Variants in TMEM135 observed in about 807,000 individuals in gnomAD.
The protein encoded by TMEM135 is peroxisomal membrane protein 52.
In TMEM135, 30 loss-of-function variants were observed where a neutral mutation model predicts 60.3. That is an observed-to-expected ratio of 0.50 (90% CI 0.37 to 0.68). The LOEUF is 0.68. TMEM135 is among the 30% of genes least tolerant of loss of function. The pLI is 0.00. For synonymous variants in TMEM135, 190 were observed against 186.7 expected (o/e 1.02, Z -0.14); for missense variants, 468 against 548.8 (o/e 0.85, Z 1.47).
rs117800672 is a variant in TMEM135 at position 87,058,578 on chromosome 11, G to A, written c.142-9116G>A. ...ACTTCTGGTCTCAAGTGATCCACCC[G>A]CCTTGGCCTATGATAAATTGTTTTT... On this transcript the variant is annotated intron_variant, in intron 1 of 14. Transcript: ENST00000305494. Among the ~76,000 whole-genome samples the A allele has an allele frequency of 3.2e-3, 481 of 152,004 alleles. 5 individuals carry two copies. Among genetic ancestry groups the A allele is most frequent in the Non-Finnish European group, 5.9e-3 (401 of 67,994 alleles).
intron 5 of TMEM135, among the ~76,000 whole-genome samples, chr11:87,181,537 A>C (rs1394859501): frequency 3.3e-5 from 5 of 152,140 alleles, no homozygotes; most frequent in Non-Finnish European, 7.4e-5. Flanking sequence ...CAAAAGCAAA[A>C]ACTGTAGACA....
intron 6 of TMEM135, among the ~76,000 whole-genome samples, chr11:87,237,650 C>T (rs1297178044): frequency 1.3e-5 from 2 of 151,776 alleles, no homozygotes; most frequent in Admixed American, 6.6e-5. Flanking sequence ...GAATAATAAC[C>T]AGATGCTATT....
intron 5 of TMEM135, among the ~76,000 whole-genome samples, chr11:87,195,314 T>TTTCCTTCCTTCCTTCC (rs58025103): frequency 3.3e-4 from 22 of 65,716 alleles, no homozygotes; most frequent in South Asian, 1.1e-3. Flanking sequence ...TTTCTTTCTC[T>TTTCCTTCCTTCCTTCC]TTCCTTCCTT....
intron 4 of TMEM135, among the ~76,000 whole-genome samples, chr11:87,124,245 T>A (rs942330696): frequency 1.3e-5 from 2 of 152,164 alleles, no homozygotes; most frequent in African/African-American, 4.8e-5. Context: ...TGAAAGAAGT[T>A]CTAAAGAGTC....
chr11:87,105,689 A>G (rs868219790), intron 4 of TMEM135, among the ~76,000 whole-genome samples: 3 of 152,324 alleles, frequency 2.0e-5, no homozygotes, highest in Middle Eastern at 6.8e-3. Flanking sequence ...TGCATAGACT[A>G]TGTAATGTAG....
At chr11:87,239,820 G>T (rs1157158160) in intron 6 of TMEM135, among the ~76,000 whole-genome samples, 2 of 151,880 alleles carry the variant, frequency 1.3e-5, no homozygotes, top group East Asian at 3.9e-4. Context: ...GTCACAAGAT[G>T]TGATGACTAT....
At chr11:87,225,897 T>G (rs1288851179) in intron 5 of TMEM135, among the ~76,000 whole-genome samples, 1 of 152,120 alleles carries the variant, frequency 6.6e-6, no homozygotes, top group African/African-American at 2.4e-5. Flanking sequence ...CCTGGCACCA[T>G]TAATAATTTA....
intron 9 of TMEM135, among the ~76,000 whole-genome samples, chr11:87,307,430 C>T (rs1264319497): frequency 2.0e-5 from 3 of 150,764 alleles, no homozygotes; most frequent in Non-Finnish European, 4.4e-5. Flanking sequence ...AGCTGATAAC[C>T]TGGATTTATT....
At chr11:87,208,897 TA>T (rs948520259) in intron 5 of TMEM135, among the ~76,000 whole-genome samples, 3 of 152,112 alleles carry the variant, frequency 2.0e-5, no homozygotes, top group African/African-American at 7.2e-5. Flanking sequence ...CTAAATGAGA[TA>T]GGGGGCTTAT....
chr11:87,222,235 G>T lies in TMEM135; in HGVS notation c.463-14403G>T, dbSNP rs190497407. On this transcript the variant is annotated intron_variant, in intron 5 of 14. Coordinates refer to ENST00000305494, the MANE Select transcript of TMEM135 (RefSeq NM_022918.4). ...TGCTGGTCCGGGCATGGTGGCTCACGCCTGTAATCCCAGCACTTTGGGTGG... is the reference window on the plus strand; with the variant it reads ...TGCTGGTCCGGGCATGGTGGCTCACTCCTGTAATCCCAGCACTTTGGGTGG... Among the ~76,000 whole-genome samples, 26 of 146,282 alleles carry T rather than the reference G, an allele frequency of 1.8e-4. No homozygotes were observed. The East Asian group carries it at 4.7e-3, about 26-fold the overall frequency.
chr11:87,305,131 T>G (rs1466718128), intron 8 of TMEM135, among the ~76,000 whole-genome samples: 1 of 152,218 alleles, frequency 6.6e-6, no homozygotes, highest in Non-Finnish European at 1.5e-5. Context: ...CTTTTCCAGA[T>G]GTTTTCTCTC....
At chr11:87,102,174 A>G (rs544634664) in intron 4 of TMEM135, among the ~76,000 whole-genome samples, 5 of 152,286 alleles carry the variant, frequency 3.3e-5, no homozygotes, top group South Asian at 2.1e-4. Context: ...GCTCAGTTTC[A>G]TAAGACTGCC....
intron 5 of TMEM135, among the ~76,000 whole-genome samples, chr11:87,181,937 C>G (rs1225030215): frequency 6.7e-6 from 1 of 148,204 alleles, no homozygotes; most frequent in East Asian, 2.0e-4. Context: ...ATTCAATTTC[C>G]TTTTGAATGA....
At chr11:87,284,223 T>C (rs1323223086) in intron 6 of TMEM135, among the ~76,000 whole-genome samples, 2 of 152,340 alleles carry the variant, frequency 1.3e-5, no homozygotes, top group East Asian at 3.9e-4. Flanking sequence ...GAAACCACAA[T>C]CTGCTCCTTT....
chr11:87,159,687 G>A (rs1197020830), intron 5 of TMEM135, among the ~76,000 whole-genome samples: 2 of 151,780 alleles, frequency 1.3e-5, no homozygotes, highest in Non-Finnish European at 2.9e-5. Flanking sequence ...CTTTAGAGGA[G>A]CTTACTCTCT....
intron 4 of TMEM135, among the ~76,000 whole-genome samples, chr11:87,133,295 G>A (rs754126450): frequency 9.2e-5 from 14 of 152,248 alleles, no homozygotes; most frequent in Non-Finnish European, 1.3e-4. Flanking sequence ...AATTCAATAC[G>A]TTTTGACATG....
At chr11:87,184,525 A>G (rs1469512154) in intron 5 of TMEM135, among the ~76,000 whole-genome samples, 1 of 152,216 alleles carries the variant, frequency 6.6e-6, no homozygotes, top group Non-Finnish European at 1.5e-5. Flanking sequence ...TGCTTAGCTC[A>G]TATAGTAAAT....
intron 7 of TMEM135, 131 bp downstream of exon 7, chr11:87,295,954 C>A: frequency 2.6e-6 from 2 of 761,430 alleles, no homozygotes; most frequent in Non-Finnish European, 4.3e-6. Context: ...AAAAGTATTT[C>A]CAAGCCTGCG....
chr11:87,179,000 T>G lies in TMEM135; in HGVS notation c.462+21594T>G, dbSNP rs150195675. Among the ~76,000 whole-genome samples, 452 of 152,262 alleles carry G rather than the reference T, an allele frequency of 3.0e-3. 6 individuals are homozygous for G. Among genetic ancestry groups the G allele is most frequent in the African/African-American group, 0.01 (419 of 41,534 alleles). On this transcript the variant is annotated intron_variant, in intron 5 of 14. Transcript: ENST00000305494. ...TCCATTTTACATTGCCACTTGGCAG[T>G]GTATGAGGGGTCCAGTTTGTCAGCA...
Sources: gnomAD v4.1 joint callset for allele counts (sites outside exome capture counted in the v4.1 genomes callset) on GRCh38, gnomAD v4.1.1 for gene constraint, MANE v1.5 for transcripts, NCBI Gene and HGNC (gene_info 2026-07-23, HGNC 2026-07-21) for gene names.